The following ENOX1 variants were observed in gnomAD, a reference collection of about 807,000 sequenced individuals.
ENOX1 encodes the protein candidate growth-related and time keeping constitutive hydroquinone (NADH) oxidase.
In ENOX1, 42 loss-of-function variants were observed where a neutral mutation model predicts 82.5. That is an observed-to-expected ratio of 0.51 (90% confidence interval 0.40 to 0.66). The LOEUF is 0.66. ENOX1 is among the 30% of genes least tolerant of loss of function. The pLI is 0.00. For missense variants in ENOX1, 608 were observed against 811.6 expected (o/e 0.75, Z 3.05); for synonymous variants, 271 against 282.2 (o/e 0.96, Z 0.40).
chr13:43,422,004 AT>A (rs1193303099), intron 3 of ENOX1, among the ~76,000 whole-genome samples: 2 of 152,034 alleles, frequency 1.3e-5, no homozygotes, highest in East Asian at 3.9e-4. Flanking sequence ...AAAAAAAAAA[AT>A]CTCAGTTCCA....
chr13:43,626,435 T>C (rs991837300), intron 2 of ENOX1, among the ~76,000 whole-genome samples: 26 of 151,936 alleles, frequency 1.7e-4, no homozygotes, highest in Non-Finnish European at 3.5e-4. Context: ...TCATTTTTAA[T>C]GTATGAATTT....
chr13:43,503,695 C>T (rs2077055414), intron 2 of ENOX1, among the ~76,000 whole-genome samples: 2 of 151,602 alleles, frequency 1.3e-5, no homozygotes, highest in South Asian at 4.1e-4. Context: ...ACACTGTATA[C>T]AATAAAAACT....
chr13:43,486,655 C>T (rs1057276007), intron 2 of ENOX1, among the ~76,000 whole-genome samples: 1 of 152,108 alleles, frequency 6.6e-6, no homozygotes. Context: ...GAAGGTGGTA[C>T]CAGTAGGTGT....
chr13:43,711,946 T>G (rs2087750971), intron 1 of ENOX1, among the ~76,000 whole-genome samples: 1 of 145,106 alleles, frequency 6.9e-6, no homozygotes, highest in Non-Finnish European at 1.5e-5. Flanking sequence ...TTTGTCAATT[T>G]TGGCTTTTGT....
chr13:43,430,425 C>T (rs2055583560), intron 3 of ENOX1, among the ~76,000 whole-genome samples: 1 of 152,160 alleles, frequency 6.6e-6, no homozygotes, highest in African/African-American at 2.4e-5. Context: ...CATATTTGGT[C>T]ACAAGGTCTT....
At chr13:43,706,558 T>C (rs969215100) in intron 1 of ENOX1, among the ~76,000 whole-genome samples, 1 of 151,912 alleles carries the variant, frequency 6.6e-6, no homozygotes, top group Non-Finnish European at 1.5e-5. Flanking sequence ...CTTGACCATA[T>C]GGTATTTTTC....
rs545698283 is a variant in ENOX1 at position 43,390,108 on chromosome 13, C to T, written c.208+21808G>A. On this transcript the variant is annotated intron_variant, in intron 5 of 16. Transcript: ENST00000690772. ...AGAACACGTTTGAATGGGGGAGGTG[C>T]GGCATTATTTCACAGCAGGAGAAAT... 1.9e-3 allele frequency among the ~76,000 whole-genome samples: 288 copies of T among 152,206 alleles called. 2 individuals are homozygous for T. The highest frequency in any genetic ancestry group is 0.014 in the Middle Eastern group (4 of 294).
intron 12 of ENOX1, among the ~76,000 whole-genome samples, chr13:43,290,441 C>G (rs550001914): frequency 2.0e-5 from 3 of 152,150 alleles, no homozygotes; most frequent in East Asian, 3.9e-4. Context: ...GAAATCATGT[C>G]CTTTGCAGTA....
chr13:43,470,381 TATATAC>T lies in ENOX1; in HGVS notation c.-75+13622_-75+13627del, dbSNP rs199965852. Among the ~76,000 whole-genome samples the T allele has an allele frequency of 8.0e-4, 75 of 94,088 alleles. 23 individuals carry two copies. Among genetic ancestry groups the T allele is most frequent in the Non-Finnish European group, 1.3e-3 (59 of 44,270 alleles). The allele number at this position is 94,088 out of a possible 152,430, so 61.7% of individuals were successfully genotyped here. On this transcript the variant is annotated intron_variant, in intron 3 of 16. Coordinates refer to ENST00000690772, the MANE Select transcript of ENOX1 (RefSeq NM_001347969.2). The stretch of plus-strand genomic sequence containing the variant: ...ATATATATACGTATATATATACATA[TATATAC>T]GTATATATATGTGTATATATATATA...
intron 2 of ENOX1, among the ~76,000 whole-genome samples, chr13:43,564,148 G>A (rs150436933): frequency 6.6e-6 from 1 of 152,072 alleles, no homozygotes; most frequent in Admixed American, 6.6e-5. Flanking sequence ...GAATTCAGAA[G>A]TGAAAGATCT....
At chr13:43,257,601 G>C (rs2043822779) in intron 14 of ENOX1, among the ~76,000 whole-genome samples, 1 of 152,196 alleles carries the variant, frequency 6.6e-6, no homozygotes, top group Non-Finnish European at 1.5e-5. Flanking sequence ...TGATTTGTGA[G>C]TGGTGAGATG....
At chr13:43,706,764 T>A (rs534105376) in intron 1 of ENOX1, among the ~76,000 whole-genome samples, 2 of 151,462 alleles carry the variant, frequency 1.3e-5, no homozygotes, top group Admixed American at 6.6e-5. Context: ...TAAAACTATC[T>A]AAAAAAAATC....
chr13:43,510,051 C>T (rs1321783324), intron 2 of ENOX1, among the ~76,000 whole-genome samples: 1 of 151,946 alleles, frequency 6.6e-6, no homozygotes, highest in Non-Finnish European at 1.5e-5. Flanking sequence ...TTTCTCTGTA[C>T]ATATGTATAG....
intron 1 of ENOX1, among the ~76,000 whole-genome samples, chr13:43,690,532 T>G (rs1378651848): frequency 6.6e-6 from 1 of 152,172 alleles, no homozygotes; most frequent in East Asian, 1.9e-4. Flanking sequence ...TTACTCGTCT[T>G]CACATTGTAA....
At chr13:43,468,021 A>G (rs2153643937) in intron 3 of ENOX1, among the ~76,000 whole-genome samples, 1 of 152,218 alleles carries the variant, frequency 6.6e-6, no homozygotes, top group Non-Finnish European at 1.5e-5. Context: ...CCATTTATCT[A>G]TCTGTCTATC....
At chr13:43,233,641 C>T (rs1304786027) in intron 15 of ENOX1, among the ~76,000 whole-genome samples, 1 of 152,108 alleles carries the variant, frequency 6.6e-6, no homozygotes, top group African/African-American at 2.4e-5. Context: ...GCTTTTTTCT[C>T]ACTCCCTTTC....
chr13:43,508,600 A>C (rs1229463953), intron 2 of ENOX1, among the ~76,000 whole-genome samples: 2 of 151,992 alleles, frequency 1.3e-5, no homozygotes, highest in Non-Finnish European at 2.9e-5. Context: ...TTTCCTCTCT[A>C]AAATATTTAG....
chr13:43,757,632 T>C (rs539003144), intron 1 of ENOX1, among the ~76,000 whole-genome samples: 1 of 152,266 alleles, frequency 6.6e-6, no homozygotes, highest in South Asian at 2.1e-4. Flanking sequence ...TACACACCTA[T>C]CAGAGTGGCT....
At chr13:43,525,522 G>A (rs773319378) in intron 2 of ENOX1, among the ~76,000 whole-genome samples, 2 of 152,066 alleles carry the variant, frequency 1.3e-5, no homozygotes, top group Non-Finnish European at 2.9e-5. Flanking sequence ...TGGATCATAT[G>A]GCAATTCTAT....
Sources: allele counts gnomAD v4.1 joint callset (sites outside exome capture counted in the v4.1 genomes callset), GRCh38; gene constraint gnomAD v4.1.1; transcripts MANE v1.5; gene names NCBI Gene and HGNC (gene_info 2026-07-23, HGNC 2026-07-21).